TTC28: variants seen among roughly 807,000 people sequenced by gnomAD.
TTC28 encodes tetratricopeptide repeat protein 28.
In TTC28, 61 loss-of-function variants were observed where a neutral mutation model predicts 198.0. That is an observed-to-expected ratio of 0.31 (90% CI 0.25 to 0.38). TTC28 has a LOEUF of 0.38. Ranked by LOEUF, TTC28 falls within the 10% of genes least tolerant of loss-of-function variation. The probability of loss-of-function intolerance (pLI) is 1.00; values close to 1 mark genes in which losing one functional copy is unlikely to be tolerated. For missense variants in TTC28, 2,678 were observed against 3,164.0 expected, an observed-to-expected ratio of 0.85 and a Z score of 3.69; for synonymous variants, 1,171 against 1,297.8, an observed-to-expected ratio of 0.90 and a Z score of 2.10.
chr22:28,274,378 C>A (rs1232569492), intron 5 of TTC28, among the ~76,000 whole-genome samples: 1 of 152,196 alleles, frequency 6.6e-6, no homozygotes, highest in African/African-American at 2.4e-5. Context: ...GATTCACACA[C>A]AACTTCTTTC....
At position 28,188,479 on chromosome 22, in the gene TTC28, G is replaced by A. The variant is rs772254205; in HGVS notation, c.934-24880C>T. On this transcript the variant is annotated intron_variant, in intron 5 of 22. Coordinates refer to ENST00000397906, the MANE Select transcript of TTC28 (RefSeq NM_001145418.2). Reference sequence around the variant, plus strand: ...GAAGGGGTACAGGTCTGAAAACAGAGGATAGAATATAAACTTATATAAAAA... The same window carrying A: ...GAAGGGGTACAGGTCTGAAAACAGAAGATAGAATATAAACTTATATAAAAA... 4.5e-4 allele frequency among the ~76,000 whole-genome samples: 68 copies of A among 152,082 alleles called. 1 individual carries two copies. Among genetic ancestry groups the A allele is most frequent in the Non-Finnish European group, 7.4e-5 (5 of 68,024 alleles).
At chr22:28,453,725 G>A (rs2047818051) in intron 2 of TTC28, among the ~76,000 whole-genome samples, 1 of 152,188 alleles carries the variant, frequency 6.6e-6, no homozygotes, top group Non-Finnish European at 1.5e-5. Flanking sequence ...TTTCTCTTTA[G>A]CAACAGATGC....
intron 6 of TTC28, among the ~76,000 whole-genome samples, chr22:28,116,048 T>G (rs1437036199): frequency 6.6e-6 from 1 of 152,210 alleles, no homozygotes; most frequent in Admixed American, 6.5e-5. Flanking sequence ...TATACATTTA[T>G]TTCTCCAAAT....
intron 1 of TTC28, among the ~76,000 whole-genome samples, chr22:28,678,144 G>A (rs1228102452): frequency 2.6e-5 from 4 of 152,054 alleles, no homozygotes; most frequent in Admixed American, 2.0e-4. Context: ...AAAGAAACAT[G>A]CATATTTTAA....
At chr22:28,263,935 T>G (rs1329441524) in intron 5 of TTC28, among the ~76,000 whole-genome samples, 1 of 152,134 alleles carries the variant, frequency 6.6e-6, no homozygotes, top group Non-Finnish European at 1.5e-5. Flanking sequence ...TTGGTAGATT[T>G]GATACAGGAG....
intron 5 of TTC28, among the ~76,000 whole-genome samples, chr22:28,187,137 A>C (rs973425501): frequency 1.3e-5 from 2 of 152,132 alleles, no homozygotes; most frequent in African/African-American, 4.8e-5. Flanking sequence ...TATAAGAAAA[A>C]TAGGTAGAAA....
At chr22:27,986,242 T>C (rs1937211518) in intron 21 of TTC28, 1 of 152,226 alleles carries the variant, frequency 6.6e-6, no homozygotes, top group Non-Finnish European at 1.5e-5. Context: ...GTTTGATAAG[T>C]GTCTGGCATT....
At chr22:28,252,213 G>A (rs1930563205) in intron 5 of TTC28, among the ~76,000 whole-genome samples, 1 of 152,152 alleles carries the variant, frequency 6.6e-6, no homozygotes, top group Admixed American at 6.5e-5. Flanking sequence ...AGTAGCCATA[G>A]CCAGTGGGAA....
rs953247951 is a variant in TTC28 at position 27,980,937 on chromosome 22, A to G, written c.*1284T>C. 6.6e-6 allele frequency: 1 copy of G among 152,264 alleles called. No individual in the cohort carries two copies. The highest frequency in any genetic ancestry group is 6.5e-5 in the Admixed American group (1 of 15,280). The allele number at this position is 152,264 out of a possible 1,614,324, so 9.4% of individuals were successfully genotyped here. On this transcript the variant is annotated 3_prime_UTR_variant, in exon 23 of 23. Coordinates refer to ENST00000397906, the MANE Select transcript of TTC28 (RefSeq NM_001145418.2). Reference sequence around the variant, plus strand: ...CTTCCCGGTTGGCCATAATCCAGGCATACGTCCCAGCAAAAGGCCCTGTTG... The same window carrying G: ...CTTCCCGGTTGGCCATAATCCAGGCGTACGTCCCAGCAAAAGGCCCTGTTG...
At chr22:28,239,383 AG>A (rs1466394686) in intron 5 of TTC28, among the ~76,000 whole-genome samples, 1 of 152,158 alleles carries the variant, frequency 6.6e-6, no homozygotes, top group Non-Finnish European at 1.5e-5. Flanking sequence ...CTACCGTACA[AG>A]AAGAAAAAAA....
intron 2 of TTC28, among the ~76,000 whole-genome samples, chr22:28,314,151 AC>A (rs1410372020): frequency 6.6e-6 from 1 of 152,228 alleles, no homozygotes. Context: ...AATATAACTT[AC>A]AAGGGATGTG....
chr22:28,238,593 T>C (rs1929427019), intron 5 of TTC28, among the ~76,000 whole-genome samples: 1 of 152,204 alleles, frequency 6.6e-6, no homozygotes, highest in South Asian at 2.1e-4. Context: ...TTTTTAAGGA[T>C]GAGTTGAGCA....
chr22:28,574,743 T>A (rs75705272), intron 2 of TTC28, among the ~76,000 whole-genome samples: 1 of 152,204 alleles, frequency 6.6e-6, no homozygotes, highest in African/African-American at 2.4e-5. Context: ...TGATAGCTCA[T>A]TGTAATTTTG....
intron 12 of TTC28, among the ~76,000 whole-genome samples, chr22:28,031,344 G>A (rs1393973969): frequency 1.3e-5 from 2 of 152,184 alleles, no homozygotes; most frequent in African/African-American, 4.8e-5. Flanking sequence ...TTGTGGAGAT[G>A]CTTACTGATA....
At chr22:28,015,904 A>C (rs986456828) in intron 13 of TTC28, among the ~76,000 whole-genome samples, 3 of 151,514 alleles carry the variant, frequency 2.0e-5, no homozygotes, top group Non-Finnish European at 4.4e-5. Context: ...AAAAGCACAG[A>C]AGGCTGCTCC....
chr22:28,677,970 TA>T (rs1169582756), intron 1 of TTC28, among the ~76,000 whole-genome samples: 2 of 151,838 alleles, frequency 1.3e-5, no homozygotes, highest in Non-Finnish European at 2.9e-5. Flanking sequence ...AAATTTAAAT[TA>T]AAAATTTAAA....
intron 12 of TTC28, among the ~76,000 whole-genome samples, chr22:28,033,159 C>A (rs1314032682): frequency 6.6e-6 from 1 of 152,192 alleles, no homozygotes; most frequent in Non-Finnish European, 1.5e-5. Context: ...TCTGTTCTTA[C>A]TGTCAGCCAC....
chr22:28,281,860 T>C (rs1028928117), intron 5 of TTC28, among the ~76,000 whole-genome samples: 5 of 152,184 alleles, frequency 3.3e-5, no homozygotes, highest in Non-Finnish European at 5.9e-5. Flanking sequence ...GCCTGGGAGC[T>C]ACCTAGAGAT....
chr22:28,601,773 C>A (rs2050641195), intron 2 of TTC28, among the ~76,000 whole-genome samples: 1 of 125,076 alleles, frequency 8.0e-6, no homozygotes, highest in South Asian at 2.9e-4. Context: ...CAGAGTAAAC[C>A]CTAGACACAC....
Sources: gnomAD v4.1 joint callset for allele counts (sites outside exome capture counted in the v4.1 genomes callset) on GRCh38, gnomAD v4.1.1 for gene constraint, MANE v1.5 for transcripts, NCBI Gene and HGNC (gene_info 2026-07-23, HGNC 2026-07-21) for gene names.